WNT7A: variants seen among roughly 807,000 people sequenced by gnomAD.
WNT7A encodes the protein protein Wnt-7a.
Under a neutral mutation model 28.2 loss-of-function variants are expected in WNT7A, and 16 were observed. That is an observed-to-expected ratio of 0.57 (90% CI 0.38 to 0.86). The LOEUF (loss-of-function observed/expected upper bound fraction) is 0.86, where lower values mean the gene tolerates loss of function less well. Among genes scored for constraint, WNT7A ranks in the 40% least tolerant of loss-of-function variants. WNT7A has a pLI of 0.00. For synonymous variants in WNT7A, 190 were observed against 195.9 expected, an observed-to-expected ratio of 0.97 and a Z score of 0.25; for missense variants, 411 against 489.7, an observed-to-expected ratio of 0.84 and a Z score of 1.52.
intron 2 of WNT7A, among the ~76,000 whole-genome samples, chr3:13,865,148 G>C (rs1250771811): frequency 1.3e-5 from 2 of 152,166 alleles, no homozygotes; most frequent in African/African-American, 4.8e-5. Flanking sequence ...GTGAGTCCAA[G>C]GATGGAAATG....
At chr3:13,830,642 T>A (rs760562991) in intron 3 of WNT7A, among the ~76,000 whole-genome samples, 5 of 152,164 alleles carry the variant, frequency 3.3e-5, no homozygotes, top group Non-Finnish European at 7.3e-5. Context: ...CTGGACTCCC[T>A]GTCCATGGAC....
intron 1 of WNT7A, 29 bp downstream of exon 1, chr3:13,879,717 C>T (rs562871554): frequency 2.5e-6 from 4 of 1,609,282 alleles, no homozygotes; most frequent in Non-Finnish European, 3.4e-6. Flanking sequence ...TGTCGAAACA[C>T]GCGCGGAAAG....
chr3:13,819,553 G>A, intron 3 of WNT7A, 130 bp from the exon 4 acceptor site: 3 of 1,321,866 alleles, frequency 2.3e-6, no homozygotes, highest in Non-Finnish European at 3.0e-6. Flanking sequence ...TTTCTTTCTG[G>A]TGTAGGAAAC....
At chr3:13,840,656 C>T (rs1029939332) in intron 3 of WNT7A, among the ~76,000 whole-genome samples, 19 of 152,046 alleles carry the variant, frequency 1.2e-4, no homozygotes, top group African/African-American at 4.1e-4. Flanking sequence ...ATCTATCCTA[C>T]TACCCAAACA....
chr3:13,823,139 C>A (rs774001843), intron 3 of WNT7A, among the ~76,000 whole-genome samples: 5 of 152,224 alleles, frequency 3.3e-5, no homozygotes, highest in Non-Finnish European at 7.3e-5. Context: ...CCAGCCCTCT[C>A]CCCGAGGCAG....
chr3:13,833,533 G>T (rs1255528008), intron 3 of WNT7A, among the ~76,000 whole-genome samples: 1 of 152,170 alleles, frequency 6.6e-6, no homozygotes, highest in Non-Finnish European at 1.5e-5. Flanking sequence ...TGGAATAGTC[G>T]AGCCCCACAC....
At position 13,875,074 on chromosome 3, in the gene WNT7A, G is replaced by T. The variant is rs766374751; in HGVS notation, c.171C>A (p.Asp57Glu). ...RQRAICQSRPDAIIVIGEGSQ... is the reference protein window; with the variant it reads ...RQRAICQSRPEAIIVIGEGSQ... ...AGCCTTCTCCTATGACGATGATGGC[G>T]TCGGGCCGGCTCTGGCAGATCGCCC... Residue 57 changes from aspartate to glutamate, a missense_variant, in exon 2 of 4, where the codon GAC (aspartate) becomes GAA (glutamate). Asp to Glu is a conservative substitution (Grantham distance 45). Coordinates refer to ENST00000285018, the MANE Select transcript of WNT7A (RefSeq NM_004625.4). 5 of 1,614,110 alleles carry T rather than the reference G, an allele frequency of 3.1e-6. No homozygotes were observed. The highest frequency in any genetic ancestry group is 2.2e-5 in the East Asian group (1 of 44,894).
chr3:13,821,763 G>A (rs532264555), intron 3 of WNT7A, among the ~76,000 whole-genome samples: 1 of 152,316 alleles, frequency 6.6e-6, no homozygotes, highest in Admixed American at 6.5e-5. Flanking sequence ...ATCAAGACAA[G>A]GTTATTCCCA....
chr3:13,848,683 G>A (rs1694578119), intron 3 of WNT7A, among the ~76,000 whole-genome samples: 1 of 152,056 alleles, frequency 6.6e-6, no homozygotes, highest in African/African-American at 2.4e-5. Flanking sequence ...AAATGGTTTG[G>A]CACTTTCTTA....
chr3:13,853,605 A>T (rs1314254217), intron 3 of WNT7A, among the ~76,000 whole-genome samples: 1 of 152,122 alleles, frequency 6.6e-6, no homozygotes, highest in Non-Finnish European at 1.5e-5. Flanking sequence ...GCCCACTGAG[A>T]TTGGTCTTAC....
intron 3 of WNT7A, among the ~76,000 whole-genome samples, chr3:13,842,399 T>A (rs1180321111): frequency 6.6e-6 from 1 of 152,004 alleles, no homozygotes; most frequent in Non-Finnish European, 1.5e-5. Context: ...GTTGTGCCAC[T>A]GCAAGGAAGA....
chr3:13,879,686 C>T, intron 1 of WNT7A, 60 bp downstream of exon 1: 3 of 1,573,376 alleles, frequency 1.9e-6, no homozygotes, highest in South Asian at 2.3e-5. Context: ...GCACACCTCC[C>T]TCCCCGGGCC....
chr3:13,876,136 T>C, intron 1 of WNT7A, among the ~76,000 whole-genome samples: 1 of 152,126 alleles, frequency 6.6e-6, no homozygotes, highest in East Asian at 1.9e-4. Flanking sequence ...GAGTTGACAT[T>C]AGAACAGAAC....
chr3:13,852,651 A>T (rs1694658777), intron 3 of WNT7A, among the ~76,000 whole-genome samples: 1 of 152,070 alleles, frequency 6.6e-6, no homozygotes, highest in South Asian at 2.1e-4. Flanking sequence ...GCAGCAAGTG[A>T]GGGACTGGCC....
intron 3 of WNT7A, among the ~76,000 whole-genome samples, chr3:13,826,563 G>C (rs977629639): frequency 6.6e-6 from 1 of 152,126 alleles, no homozygotes; most frequent in Non-Finnish European, 1.5e-5. Context: ...TTTCAGGCAT[G>C]GTGAGTGGCC....
chr3:13,868,590 G>A (rs1468254176), intron 2 of WNT7A, among the ~76,000 whole-genome samples: 1 of 11,568 alleles, frequency 8.6e-5, no homozygotes, highest in Non-Finnish European at 1.5e-4. Context: ...GAGAGAGAGA[G>A]GGAGAAAGAA....
At chr3:13,857,556 T>A (rs1285519614) in intron 2 of WNT7A, among the ~76,000 whole-genome samples, 2 of 152,024 alleles carry the variant, frequency 1.3e-5, no homozygotes, top group Non-Finnish European at 2.9e-5. Flanking sequence ...TTTGCATAGA[T>A]TTGAGGCTCA....
Position 13,821,981 on chromosome 3 carries a change from G to A in WNT7A, c.571-2558C>T, listed in dbSNP as rs191412891. 2.0e-5 allele frequency among the ~76,000 whole-genome samples: 3 copies of A among 152,320 alleles called. No homozygotes were observed. In the East Asian group the frequency reaches 5.8e-4, roughly 29 times the overall value. The stretch of plus-strand genomic sequence containing the variant: ...AATGGATACAATCAATGGCCAACAA[G>A]CACATGAGAAGATGTTCAGCAGCAC... On this transcript the variant is annotated intron_variant, in intron 3 of 3. Coordinates refer to ENST00000285018, the MANE Select transcript of WNT7A (RefSeq NM_004625.4).
At position 13,854,767 on chromosome 3, in the gene WNT7A, G is replaced by A. The variant is rs1465854773; in HGVS notation, c.335C>T (p.Ala112Val). 2 of 1,613,706 alleles carry A rather than the reference G, an allele frequency of 1.2e-6. No individual in the cohort carries two copies. The highest frequency in any genetic ancestry group is 2.2e-5 in the East Asian group (1 of 44,862). The change falls in exon 3 of 4, where the codon GCC becomes GTC. Residue 112 changes from alanine (A) to valine (V), a missense_variant. Coordinates refer to ENST00000285018, the MANE Select transcript of WNT7A (RefSeq NM_004625.4). ...REAAFTYAII[A>V]AGVAHAITAA... ...TGTGATGGCGTGGGCCACGCCGGCG[G>A]CAATGATGGCGTAGGTGAACGCAGC...
Sources: gnomAD v4.1 joint callset for allele counts (sites outside exome capture counted in the v4.1 genomes callset) on GRCh38, gnomAD v4.1.1 for gene constraint, MANE v1.5 for transcripts, NCBI Gene and HGNC (gene_info 2026-07-23, HGNC 2026-07-21) for gene names.